The following MAML2 variants were observed in gnomAD, a reference collection of about 807,000 sequenced individuals.
MAML2 encodes the protein mastermind-like protein 2.
MAML2 carries 22 observed loss-of-function variants against 96.1 expected under a neutral mutation model. The observed-to-expected ratio is 0.23, with a 90% CI of 0.16 to 0.33. The LOEUF is 0.33. Ranked by LOEUF, MAML2 falls within the 10% of genes least tolerant of loss-of-function variation. MAML2 has a pLI of 1.00. For missense variants in MAML2, 1,367 were observed against 1,392.4 expected, an observed-to-expected ratio of 0.98 and a Z score of 0.29; for synonymous variants, 561 against 521.3, an observed-to-expected ratio of 1.08 and a Z score of -1.04.
intron 2 of MAML2, among the ~76,000 whole-genome samples, chr11:96,033,821 A>T (rs1357213189): frequency 6.6e-6 from 1 of 152,098 alleles, no homozygotes; most frequent in African/African-American, 2.4e-5. Flanking sequence ...CTTGGAAGGG[A>T]GATATTCCAT....
intron 1 of MAML2, among the ~76,000 whole-genome samples, chr11:96,298,795 C>T (rs950497745): frequency 2.7e-5 from 4 of 147,146 alleles, no homozygotes; most frequent in Non-Finnish European, 6.0e-5. Context: ...GTAATCCTAG[C>T]ACTTTGGGAG....
intron 1 of MAML2, among the ~76,000 whole-genome samples, chr11:96,263,075 A>C (rs1410083555): frequency 3.3e-5 from 5 of 152,246 alleles, no homozygotes; most frequent in African/African-American, 1.2e-4. Flanking sequence ...TGGGTTGAGA[A>C]CAGCATGACA....
intron 1 of MAML2, among the ~76,000 whole-genome samples, chr11:96,329,324 G>A (rs964124844): frequency 6.6e-6 from 1 of 152,094 alleles, no homozygotes; most frequent in African/African-American, 2.4e-5. Flanking sequence ...TTCTAGGAAG[G>A]GTATTCAACA....
intron 2 of MAML2, among the ~76,000 whole-genome samples, chr11:96,013,846 T>C (rs952041322): frequency 9.2e-5 from 14 of 152,212 alleles, no homozygotes; most frequent in Non-Finnish European, 1.8e-4. Flanking sequence ...GCATTCTTTC[T>C]TCAAGCCCAC....
intron 1 of MAML2, among the ~76,000 whole-genome samples, chr11:96,159,387 G>A (rs1056218521): frequency 5.3e-5 from 7 of 131,714 alleles, no homozygotes; most frequent in Non-Finnish European, 1.1e-4. Context: ...GTTACTAACC[G>A]TGCCTCTAAA....
intron 2 of MAML2, among the ~76,000 whole-genome samples, chr11:96,055,959 A>G (rs1859059968): frequency 6.6e-6 from 1 of 152,234 alleles, no homozygotes; most frequent in Admixed American, 6.5e-5. Context: ...ATAGCATTAT[A>G]ACCTTTTTTT....
intron 1 of MAML2, among the ~76,000 whole-genome samples, chr11:96,258,642 C>G (rs1862703760): frequency 6.6e-6 from 1 of 152,160 alleles, no homozygotes; most frequent in African/African-American, 2.4e-5. Flanking sequence ...CCCAAGAATA[C>G]AGTGGTCTAA....
At chr11:96,172,461 G>T (rs531834904) in intron 1 of MAML2, among the ~76,000 whole-genome samples, 1 of 152,328 alleles carries the variant, frequency 6.6e-6, no homozygotes, top group East Asian at 1.9e-4. Context: ...AGTTATAGCA[G>T]CAAGAGAACA....
At chr11:96,241,671 T>G (rs987690849) in intron 1 of MAML2, among the ~76,000 whole-genome samples, 3 of 152,194 alleles carry the variant, frequency 2.0e-5, no homozygotes, top group African/African-American at 7.2e-5. Context: ...CCAGAGTGAG[T>G]GTCCCTGGGA....
At chr11:96,193,885 G>C (rs1464459723) in intron 1 of MAML2, among the ~76,000 whole-genome samples, 1 of 152,130 alleles carries the variant, frequency 6.6e-6, no homozygotes, top group East Asian at 1.9e-4. Flanking sequence ...ACCACCATAT[G>C]GTTCATTTCT....
At chr11:96,152,829 T>C (rs187579512) in intron 1 of MAML2, among the ~76,000 whole-genome samples, 1 of 152,320 alleles carries the variant, frequency 6.6e-6, no homozygotes, top group African/African-American at 2.4e-5. Flanking sequence ...CGGGGCATTC[T>C]AGGTGACCAG....
At chr11:95,998,554 G>A (rs914063941) in intron 2 of MAML2, among the ~76,000 whole-genome samples, 2 of 152,144 alleles carry the variant, frequency 1.3e-5, no homozygotes, top group African/African-American at 2.4e-5. Context: ...AGAGGAGATA[G>A]TCATAGTCAC....
At chr11:95,988,004 G>A (rs1029048539) in intron 3 of MAML2, among the ~76,000 whole-genome samples, 1 of 24 alleles carries the variant, frequency 0.042, no homozygotes, top group African/African-American at 0.5. Context: ...TGAGATGACA[G>A]TTTTGATTTT....
chr11:95,979,925 A>G lies in MAML2; in HGVS notation c.2494T>C (p.Leu832=), dbSNP rs914998876. ...STISLNSNQA[L]ANPVSTHTIL... ...GTGTGTGTTGAAACTGGGTTTGCCA[A>G]AGCCTGGTTAGAGTTTAAGCTTATT... Residue 832 remains leucine (L), a synonymous_variant, in exon 5 of 5, where the codon TTG becomes CTG. Coordinates refer to ENST00000524717, the MANE Select transcript of MAML2 (RefSeq NM_032427.4). 1 of 1,613,856 alleles carries G rather than the reference A, an allele frequency of 6.2e-7. No homozygotes were observed. Among genetic ancestry groups the G allele is most frequent in the Non-Finnish European group, 8.5e-7 (1 of 1,179,842 alleles).
chr11:96,339,061 G>A (rs1442883773), intron 1 of MAML2, among the ~76,000 whole-genome samples: 3 of 152,124 alleles, frequency 2.0e-5, no homozygotes, highest in African/African-American at 7.2e-5. Context: ...CCAACAACCC[G>A]TGCAATGCCA....
At chr11:96,317,928 C>A (rs1484144691) in intron 1 of MAML2, among the ~76,000 whole-genome samples, 1 of 152,202 alleles carries the variant, frequency 6.6e-6, no homozygotes, top group Non-Finnish European at 1.5e-5. Context: ...ATGGTAAACT[C>A]CTGAGGACAA....
At chr11:96,293,687 T>C (rs1010695662) in intron 1 of MAML2, among the ~76,000 whole-genome samples, 3 of 152,210 alleles carry the variant, frequency 2.0e-5, no homozygotes, top group African/African-American at 7.2e-5. Flanking sequence ...ACGGAAACAG[T>C]ATGCAGAACA....
At chr11:96,039,986 C>T (rs1181396460) in intron 2 of MAML2, among the ~76,000 whole-genome samples, 2 of 147,726 alleles carry the variant, frequency 1.4e-5, no homozygotes, top group African/African-American at 2.5e-5. Context: ...AAAAAAAGAT[C>T]ATCACAACCT....
chr11:96,255,460 A>C (rs1862650806), intron 1 of MAML2, among the ~76,000 whole-genome samples: 2 of 152,224 alleles, frequency 1.3e-5, no homozygotes, highest in South Asian at 4.1e-4. Flanking sequence ...ACTGTTGAGG[A>C]AATCAACACA....
Sources: allele counts gnomAD v4.1 joint callset (sites outside exome capture counted in the v4.1 genomes callset), GRCh38; gene constraint gnomAD v4.1.1; transcripts MANE v1.5; gene names NCBI Gene and HGNC (gene_info 2026-07-23, HGNC 2026-07-21).